The following MFSD6 variants were observed in gnomAD, a reference collection of about 807,000 sequenced individuals.
MFSD6 encodes major facilitator superfamily domain containing 6, also known as major facilitator superfamily domain-containing protein 6.
A neutral mutation model predicts 56.3 loss-of-function variants in MFSD6; 26 were observed. That is an observed-to-expected ratio of 0.46 (90% CI 0.34 to 0.64). MFSD6 has a LOEUF of 0.64. Ranked by LOEUF, MFSD6 falls within the 30% of genes least tolerant of loss-of-function variation. The probability of loss-of-function intolerance (pLI) is 0.01; values close to 1 mark genes in which losing one functional copy is unlikely to be tolerated. For missense variants in MFSD6, 750 were observed against 986.2 expected (o/e 0.76, Z 3.21); for synonymous variants, 331 against 366.9 (o/e 0.90, Z 1.12).
rs1690653495 is a variant in MFSD6, at chr2:190,413,532, A to T, written c.-175-1760A>T. Among the ~76,000 whole-genome samples the T allele has an allele frequency of 6.6e-6, 1 of 152,012 alleles. No homozygotes were observed. The highest frequency in any genetic ancestry group is 2.4e-5 in the African/African-American group (1 of 41,392). On this transcript the variant is annotated intron_variant, in intron 1 of 7. Coordinates refer to ENST00000392328, the MANE Select transcript of MFSD6 (RefSeq NM_017694.4). This position sits in a 1 kb window ranked among gnomAD's most constrained non-coding sequence, Gnocchi z 4.1. ...GGAAGCATTTTGATCTGAGACCAAG[A>T]GTGGGATGGGGGAAAGACAGGGAAA...
intron 4 of MFSD6, among the ~76,000 whole-genome samples, chr2:190,474,961 A>G (rs989787305): frequency 6.6e-6 from 1 of 152,288 alleles, no homozygotes; most frequent in Non-Finnish European, 1.5e-5. Context: ...ACCAAAGACA[A>G]AAATCACATG....
At position 190,437,135 on chromosome 2, in the gene MFSD6, A is replaced by G. The variant is rs765928303; in HGVS notation, c.1106A>G (p.Gln369Arg). ...GCKPPEYRNY[Q>R]IVFIVFGVLM... ...AAGCCCCCCGAGTACAGGAATTACCAGATCGTCTTCATCGTCTTCGGCGTT... is the reference window on the plus strand; with the variant it reads ...AAGCCCCCCGAGTACAGGAATTACCGGATCGTCTTCATCGTCTTCGGCGTT... The change falls in exon 3 of 8, where the codon CAG (glutamine) becomes CGG (arginine). Residue 369 changes from glutamine to arginine, a missense_variant. Physicochemically the swap from Gln to Arg is conservative, Grantham distance 43 (BLOSUM62 1). Around this residue, in one of 5 missense-constraint regions of MFSD6, gnomAD observed 376 missense variants for 437.9 expected, o/e 0.86. Transcript: ENST00000392328. This position sits in a 1 kb window ranked among gnomAD's most constrained non-coding sequence, Gnocchi z 5.9. The G allele has an allele frequency of 1.2e-5, 20 of 1,614,144 alleles. No individual in the cohort carries two copies. The highest frequency in any genetic ancestry group is 3.4e-6 in the Non-Finnish European group (4 of 1,180,058).
intron 1 of MFSD6, among the ~76,000 whole-genome samples, chr2:190,408,940 C>A (rs1690437382): frequency 6.6e-6 from 1 of 152,198 alleles, no homozygotes; most frequent in Non-Finnish European, 1.5e-5. Flanking sequence ...CCGACCCGCG[C>A]CCTCGCCATA....
chr2:190,460,804 C>T (rs558704668), intron 3 of MFSD6, among the ~76,000 whole-genome samples: 6 of 152,184 alleles, frequency 3.9e-5, no homozygotes, highest in African/African-American at 9.6e-5. Flanking sequence ...GTCATCCCTG[C>T]GAGTGGGAGG....
intron 3 of MFSD6, among the ~76,000 whole-genome samples, chr2:190,455,515 G>C (rs143792684): frequency 3.3e-5 from 5 of 152,264 alleles, no homozygotes; most frequent in African/African-American, 1.2e-4. Flanking sequence ...TCTGCAGTTT[G>C]TTGATCTGCA....
chr2:190,422,303 C>T (rs1392244398), intron 2 of MFSD6, among the ~76,000 whole-genome samples: 2 of 152,134 alleles, frequency 1.3e-5, no homozygotes, highest in Non-Finnish European at 2.9e-5. Flanking sequence ...ACTGGTTGCC[C>T]TTCAAAGTTG....
Position 190,472,070 on chromosome 2 carries a change from C to A in MFSD6, c.1630+2215C>A, listed in dbSNP as rs531300784. On this transcript the variant is annotated intron_variant, in intron 4 of 7. Coordinates refer to ENST00000392328, the MANE Select transcript of MFSD6 (RefSeq NM_017694.4). ...AAAACTAACAAACAGAAAGGATATC[C>A]ACACCAAAACCCCATCTGTACGTCA... Among the ~76,000 whole-genome samples the A allele has an allele frequency of 9.9e-5, 15 of 152,230 alleles. No homozygotes were observed. The South Asian group carries it at 1.7e-3, about 17-fold the overall frequency.
At position 190,418,923 on chromosome 2, in the gene MFSD6, G is replaced by C. The variant is rs1251474529; in HGVS notation, c.-54+3510G>C. ...CCTGGAGGGCTCAGGCTGGAAACTG[G>C]GCTGACAGGACTGAGACCAGTTTTG... On this transcript the variant is annotated intron_variant, in intron 2 of 7. Transcript: ENST00000392328. The surrounding 1 kb of genome is among the most constrained non-coding windows in gnomAD (Gnocchi z 4.1). Among the ~76,000 whole-genome samples, 1 of 152,212 alleles carries C rather than the reference G, an allele frequency of 6.6e-6. No individual in the cohort carries two copies. Among genetic ancestry groups the C allele is most frequent in the Non-Finnish European group, 1.5e-5 (1 of 68,038 alleles).
Position 190,499,748 on chromosome 2 carries a change from T to G in MFSD6, c.2173-267T>G. ...CTGATGTAAACTGTTTACCAAGTAC[T>G]AACAGACATTTTGGTAGTAATGTTC... is the stretch of plus-strand genomic sequence containing the variant. On this transcript the variant is annotated intron_variant, in intron 7 of 7. Transcript: ENST00000392328. The surrounding 1 kb of genome is among the most constrained non-coding windows in gnomAD (Gnocchi z 6.0). 7.4e-7 allele frequency: 1 copy of G among 1,355,588 alleles called. No individual in the cohort carries two copies. The highest frequency in any genetic ancestry group is 3.6e-5 in the East Asian group (1 of 28,108). 84.0% of individuals were successfully genotyped at this position (1,355,588 alleles called of 1,614,324 possible). A position where few individuals can be genotyped will look rare whatever the true frequency, so the allele number is the denominator to read the frequency against.
At position 190,496,976 on chromosome 2, in the gene MFSD6, A is replaced by G. The variant is rs1030057619; in HGVS notation, c.1892-463A>G. Among the ~76,000 whole-genome samples, 1 of 152,180 alleles carries G rather than the reference A, an allele frequency of 6.6e-6. No homozygotes were observed. Among genetic ancestry groups the G allele is most frequent in the Non-Finnish European group, 1.5e-5 (1 of 68,032 alleles). ...GGGTTCATTGTATACTGCTTGGGTGATGGTTGCACCAAAATCTCACAAATC... is the reference window on the plus strand; with the variant it reads ...GGGTTCATTGTATACTGCTTGGGTGGTGGTTGCACCAAAATCTCACAAATC... On this transcript the variant is annotated intron_variant, in intron 6 of 7. Coordinates refer to ENST00000392328, the MANE Select transcript of MFSD6 (RefSeq NM_017694.4). This position sits in a 1 kb window ranked among gnomAD's most constrained non-coding sequence, Gnocchi z 4.7.
intron 3 of MFSD6, among the ~76,000 whole-genome samples, chr2:190,455,268 TATTC>T (rs1248862486): frequency 4.2e-5 from 6 of 143,738 alleles, no homozygotes; most frequent in African/African-American, 1.5e-4. Flanking sequence ...ACTATTAAGT[TATTC>T]ATAGCTCTAT....
intron 2 of MFSD6, among the ~76,000 whole-genome samples, chr2:190,432,792 T>C (rs983992655): frequency 6.6e-6 from 1 of 151,984 alleles, no homozygotes; most frequent in African/African-American, 2.4e-5. Flanking sequence ...TCAGCTCTAT[T>C]TGAGCACCTC....
Position 190,471,103 on chromosome 2 carries a change from A to G in MFSD6, c.1630+1248A>G, listed in dbSNP as rs577573903. Among the ~76,000 whole-genome samples the G allele has an allele frequency of 2.4e-4, 36 of 152,166 alleles. 1 individual carries two copies. The highest frequency in any genetic ancestry group is 5.0e-4 in the Non-Finnish European group (34 of 68,014). ...CAGTTTTGTGTCATTTAAGAATAAC[A>G]GGAGGGTGGAGCCAAGATGGCCGAA... On this transcript the variant is annotated intron_variant, in intron 4 of 7. Transcript: ENST00000392328. This position sits in a 1 kb window ranked among gnomAD's most constrained non-coding sequence, Gnocchi z 4.7.
In MFSD6 at chr2:190,418,521, T is replaced by A. The variant is rs1690883208; in HGVS notation, c.-54+3108T>A. On this transcript the variant is annotated intron_variant, in intron 2 of 7. Transcript: ENST00000392328. This position sits in a 1 kb window ranked among gnomAD's most constrained non-coding sequence, Gnocchi z 4.1. ...CTGTAATTCCAGTACTTTAGGAGGCTGAGGCAAATGGATCACTTGAGCCCA... is the reference window on the plus strand; with the variant it reads ...CTGTAATTCCAGTACTTTAGGAGGCAGAGGCAAATGGATCACTTGAGCCCA... Among the ~76,000 whole-genome samples, 1 of 152,078 alleles carries A rather than the reference T, an allele frequency of 6.6e-6. No individual in the cohort carries two copies.
rs1186698436 is a variant in MFSD6 at position 190,499,503 on chromosome 2, C to T, written c.2173-512C>T. Among the ~76,000 whole-genome samples the T allele has an allele frequency of 3.3e-5, 5 of 152,196 alleles. No individual in the cohort carries two copies. Among genetic ancestry groups the T allele is most frequent in the African/African-American group, 1.2e-4 (5 of 41,434 alleles). ...GTTCTGTCTTATCTAACTTTTGGTG[C>T]ACATTTTGAAATACCAAATATATAT... On this transcript the variant is annotated intron_variant, in intron 7 of 7. Coordinates refer to ENST00000392328, the MANE Select transcript of MFSD6 (RefSeq NM_017694.4). This position sits in a 1 kb window ranked among gnomAD's most constrained non-coding sequence, Gnocchi z 6.0.
intron 4 of MFSD6, among the ~76,000 whole-genome samples, chr2:190,474,227 GA>G (rs1688139175): frequency 6.6e-6 from 1 of 152,064 alleles, no homozygotes; most frequent in Non-Finnish European, 1.5e-5. Flanking sequence ...GAGCAGAACT[GA>G]AGGAAATAGA....
intron 4 of MFSD6, among the ~76,000 whole-genome samples, chr2:190,475,327 G>A (rs1688233520): frequency 6.6e-6 from 1 of 152,182 alleles, no homozygotes; most frequent in Non-Finnish European, 1.5e-5. Flanking sequence ...CATCGTCTCA[G>A]CCCAAAATCT....
rs2125270436 is a variant in MFSD6, at chr2:190,497,298, A to T, written c.1892-141A>T. On this transcript the variant is annotated intron_variant, in intron 6 of 7. Transcript: ENST00000392328. This position sits in a 1 kb window ranked among gnomAD's most constrained non-coding sequence, Gnocchi z 5.2. Reference sequence around the variant, plus strand: ...AGTACTTACACCAAGTAATGAAGTCATTGGTAACCAGCAATTTATTAATAT... The same window carrying T: ...AGTACTTACACCAAGTAATGAAGTCTTTGGTAACCAGCAATTTATTAATAT... The T allele has an allele frequency of 1.1e-6, 1 of 907,122 alleles. No individual in the cohort carries two copies. The highest frequency in any genetic ancestry group is 1.8e-5 in the South Asian group (1 of 56,792). The allele number at this position is 907,122 out of a possible 1,614,324, so 56.2% of individuals were successfully genotyped here. A position where few individuals can be genotyped will look rare whatever the true frequency, so the allele number is the denominator to read the frequency against.
rs887117351 is a variant in MFSD6, at chr2:190,467,427, A to G, written c.1533-2331A>G. On this transcript the variant is annotated intron_variant, in intron 3 of 7. Transcript: ENST00000392328. The surrounding 1 kb of genome is among the most constrained non-coding windows in gnomAD (Gnocchi z 5.5). ...CAGGAGTTTGAGACCAGCCTGGCCAACATGGCAAAACCTCGTCTCTACTAA... is the reference window on the plus strand; with the variant it reads ...CAGGAGTTTGAGACCAGCCTGGCCAGCATGGCAAAACCTCGTCTCTACTAA... 6.6e-6 allele frequency among the ~76,000 whole-genome samples: 1 copy of G among 152,244 alleles called. No homozygotes were observed. The highest frequency in any genetic ancestry group is 6.5e-5 in the Admixed American group (1 of 15,288).
Sources: allele counts gnomAD v4.1 joint callset (sites outside exome capture counted in the v4.1 genomes callset), GRCh38; gene constraint gnomAD v4.1.1; regional missense constraint gnomAD v4.1.1; non-coding constraint Gnocchi (gnomAD v3.1); transcripts MANE v1.5; gene names NCBI Gene and HGNC (gene_info 2026-07-23, HGNC 2026-07-21).